Variants in CIT observed in about 807,000 individuals in gnomAD.
CIT encodes citron rho-interacting serine/threonine kinase.
In CIT, 79 loss-of-function variants were observed where a neutral mutation model predicts 272.7. That is an observed-to-expected ratio of 0.29 (90% CI 0.24 to 0.35). The LOEUF (loss-of-function observed/expected upper bound fraction) is 0.35, where lower values mean the gene tolerates loss of function less well. Among genes scored for constraint, CIT ranks in the 10% least tolerant of loss-of-function variants. The pLI is 1.00. For synonymous variants in CIT, 948 were observed against 995.6 expected (o/e 0.95, Z 0.90); for missense variants, 1,909 against 2,618.3 (o/e 0.73, Z 5.91).
intron 9 of CIT, among the ~76,000 whole-genome samples, chr12:119,806,000 G>A (rs1429483008): frequency 6.6e-6 from 1 of 152,062 alleles, no homozygotes; most frequent in African/African-American, 2.4e-5. Context: ...AGCCAGATGT[G>A]ATGGTGCATG....
In CIT at chr12:119,857,593, C is replaced by T. The variant is rs369882416; in HGVS notation, c.344G>A (p.Arg115Lys). The T allele has an allele frequency of 4.5e-5, 73 of 1,614,080 alleles. No homozygotes were observed. The highest frequency in any genetic ancestry group is 6.2e-5 in the Non-Finnish European group (73 of 1,180,044). The change falls in exon 4 of 48, where the codon AGA becomes AAA. Residue 115 changes from arginine (R) to lysine (K), a missense_variant. Around this residue, in one of 8 missense-constraint regions of CIT, gnomAD observed 529 missense variants for 549.6 expected, o/e 0.96. Transcript: ENST00000392521. ...ATAGATGTCCCCGGTTGCTTTCTCTCTTACCACCTGCACTTCAGCAAAGTG... is the reference window on the plus strand; with the variant it reads ...ATAGATGTCCCCGGTTGCTTTCTCTTTTACCACCTGCACTTCAGCAAAGTG... ...CGHFAEVQVV[R>K]EKATGDIYAM...
intron 23 of CIT, among the ~76,000 whole-genome samples, chr12:119,746,688 T>C (rs1959466123): frequency 6.6e-6 from 1 of 152,182 alleles, no homozygotes; most frequent in Non-Finnish European, 1.5e-5. Flanking sequence ...AATTAACCAT[T>C]ATGGGGACTT....
chr12:119,712,923 T>C lies in CIT; in HGVS notation c.4580-228A>G, dbSNP rs1957243922. 3.5e-6 allele frequency: 2 copies of C among 578,770 alleles called. No individual in the cohort carries two copies. The highest frequency in any genetic ancestry group is 5.8e-5 in the East Asian group (2 of 34,424). The allele number at this position is 578,770 out of a possible 1,614,324, so 35.9% of individuals were successfully genotyped here. A position where few individuals can be genotyped will look rare whatever the true frequency, so the allele number is the denominator to read the frequency against. ...AGCACAGTCAAATTTCTGATGACGA[T>C]GCGGATTTATGGGTTAGTTGACTGA... On this transcript the variant is annotated intron_variant, in intron 35 of 47. Transcript: ENST00000392521. This position sits in a 1 kb window ranked among gnomAD's most constrained non-coding sequence, Gnocchi z 5.2.
At chr12:119,825,135 T>C (rs369038684) in intron 8 of CIT, 30 bp downstream of exon 8, 4 of 1,587,276 alleles carry the variant, frequency 2.5e-6, no homozygotes, top group Non-Finnish European at 3.4e-6. Context: ...TTTCTCAATG[T>C]GACTTCGAAA....
chr12:119,712,777 G>A lies in CIT; in HGVS notation c.4580-82C>T. The stretch of plus-strand genomic sequence containing the variant: ...GGGAGAAGAGAGAGCGAGAGAGACA[G>A]CAAGGGAGAGAGAGACAGGGTACGT... On this transcript the variant is annotated intron_variant, in intron 35 of 47. Transcript: ENST00000392521. This position sits in a 1 kb window ranked among gnomAD's most constrained non-coding sequence, Gnocchi z 5.2. 1.8e-6 allele frequency: 2 copies of A among 1,136,354 alleles called. No homozygotes were observed. The highest frequency in any genetic ancestry group is 2.6e-6 in the Non-Finnish European group (2 of 759,674). 70.4% of individuals were successfully genotyped at this position (1,136,354 alleles called of 1,614,324 possible). A position where few individuals can be genotyped will look rare whatever the true frequency, so the allele number is the denominator to read the frequency against.
chr12:119,713,688 T>C lies in CIT; in HGVS notation c.4307-40A>G, dbSNP rs7311975. 0.052 allele frequency: 82,757 copies of C among 1,603,300 alleles called. 5,915 individuals carry two copies. Among genetic ancestry groups the C allele is most frequent in the African/African-American group, 0.35 (26,211 of 74,812 alleles). The stretch of plus-strand genomic sequence containing the variant: ...TGAGCAACCTGAGGGCATGCTCAGC[T>C]GACCCTGGACCCTTCCCTTCCTCTG... On this transcript the variant is annotated intron_variant, in intron 33 of 47. Coordinates refer to ENST00000392521, the MANE Select transcript of CIT (RefSeq NM_001206999.2). This position sits in a 1 kb window ranked among gnomAD's most constrained non-coding sequence, Gnocchi z 5.2.
At chr12:119,762,688 G>A (rs1961954169) in intron 19 of CIT, among the ~76,000 whole-genome samples, 1 of 152,206 alleles carries the variant, frequency 6.6e-6, no homozygotes, top group Admixed American at 6.5e-5. Flanking sequence ...CTTTGGTCAA[G>A]AAGGATACCA....
intron 4 of CIT, among the ~76,000 whole-genome samples, chr12:119,857,031 A>T (rs1417385005): frequency 6.6e-6 from 1 of 152,230 alleles, no homozygotes; most frequent in Non-Finnish European, 1.5e-5. Flanking sequence ...AAAGAAAAAT[A>T]CCACAACAAA....
chr12:119,812,296 C>CT (rs1048749516), intron 9 of CIT, among the ~76,000 whole-genome samples: 14 of 152,246 alleles, frequency 9.2e-5, no homozygotes, highest in Admixed American at 5.2e-4. Context: ...TCATCAGCAC[C>CT]TGCTTGCTGT....
intron 5 of CIT, among the ~76,000 whole-genome samples, chr12:119,843,936 A>C (rs59467668): frequency 0.042 from 6,408 of 152,224 alleles, 448 homozygotes; most frequent in African/African-American, 0.15. Context: ...TACCGATATA[A>C]ATCTAGGATC....
Position 119,713,041 on chromosome 12 carries a change from C to T in CIT, c.4579+162G>A, listed in dbSNP as rs1957252138. 6.0e-6 allele frequency: 4 copies of T among 672,122 alleles called. No individual in the cohort carries two copies. The highest frequency in any genetic ancestry group is 5.4e-5 in the South Asian group (3 of 55,390). The allele number at this position is 672,122 out of a possible 1,614,324, so 41.6% of individuals were successfully genotyped here. A position where few individuals can be genotyped will look rare whatever the true frequency, so the allele number is the denominator to read the frequency against. On this transcript the variant is annotated intron_variant, in intron 35 of 47. Transcript: ENST00000392521. This position sits in a 1 kb window ranked among gnomAD's most constrained non-coding sequence, Gnocchi z 5.2. ...GGGGGAGACCTATAGATGTGAGTAT[C>T]GCACCAATAACCTTTAGAGAAGTCA...
chr12:119,775,272 CA>C (rs1029606222), intron 16 of CIT, among the ~76,000 whole-genome samples: 74 of 152,230 alleles, frequency 4.9e-4, no homozygotes, highest in African/African-American at 1.1e-3. Context: ...GACTCCATCT[CA>C]AAAAAAAATT....
intron 20 of CIT, among the ~76,000 whole-genome samples, chr12:119,760,113 G>A (rs1215123567): frequency 6.6e-6 from 1 of 151,664 alleles, no homozygotes; most frequent in Non-Finnish European, 1.5e-5. Context: ...CTTGAACCTG[G>A]GAGGCGGAGG....
Position 119,688,198 on chromosome 12 carries a change from A to T in CIT, c.*34T>A. The T allele has an allele frequency of 1.2e-6, 2 of 1,606,940 alleles. No individual in the cohort carries two copies. Among genetic ancestry groups the T allele is most frequent in the South Asian group, 1.1e-5 (1 of 90,956 alleles). On this transcript the variant is annotated 3_prime_UTR_variant, in exon 48 of 48. Transcript: ENST00000392521. ...TAGTGTGTTTGGTGTTTTCCTGCAG[A>T]TCAAGATGAGGAGTTGGTTTTTCTG...
In CIT at chr12:119,718,544, AG is replaced by A; in HGVS notation, c.4004-136del. 7.1e-7 allele frequency: 1 copy of A among 1,398,802 alleles called. No homozygotes were observed. Among genetic ancestry groups the A allele is most frequent in the South Asian group, 1.3e-5 (1 of 75,060 alleles). The allele number at this position is 1,398,802 out of a possible 1,614,324, so 86.6% of individuals were successfully genotyped here. ...GCGTCACATCAACTTGGCAATGCAC[AG>A]GGGCCATACGTTTTTCAGACATGGG... is the stretch of plus-strand genomic sequence containing the variant. On this transcript the variant is annotated intron_variant, in intron 31 of 47. Coordinates refer to ENST00000392521, the MANE Select transcript of CIT (RefSeq NM_001206999.2). The surrounding 1 kb of genome is among the most constrained non-coding windows in gnomAD (Gnocchi z 4.8).
At chr12:119,700,656 C>T (rs1432123025) in intron 44 of CIT, 89 bp downstream of exon 44, 5 of 1,077,694 alleles carry the variant, frequency 4.6e-6, no homozygotes, top group East Asian at 2.4e-5. Flanking sequence ...GTTGGGATTA[C>T]AGGCGTGAGC....
At chr12:119,716,315 T>G (rs1201918411) in intron 32 of CIT, among the ~76,000 whole-genome samples, 1 of 127,268 alleles carries the variant, frequency 7.9e-6, no homozygotes, top group Non-Finnish European at 1.6e-5. Context: ...GAGGCAGAGG[T>G]TGCAGTGAGC....
In CIT at chr12:119,820,865, G is replaced by C. The variant is rs549240829; in HGVS notation, c.1111+1955C>G. On this transcript the variant is annotated intron_variant, in intron 9 of 47. Coordinates refer to ENST00000392521, the MANE Select transcript of CIT (RefSeq NM_001206999.2). ...CACACCTGTAGTCCTAGCTACTTAG[G>C]AGGCTGAGGTGGGAGGACTGCTTGA... is the stretch of plus-strand genomic sequence containing the variant. Among the ~76,000 whole-genome samples the C allele has an allele frequency of 9.9e-5, 15 of 152,242 alleles. No individual in the cohort carries two copies. The East Asian group carries it at 1.2e-3, about 12-fold the overall frequency.
intron 28 of CIT, among the ~76,000 whole-genome samples, chr12:119,726,837 G>A (rs76276351): frequency 0.012 from 1,861 of 152,254 alleles, 29 homozygotes; most frequent in African/African-American, 0.042. Context: ...TTAAATAGCC[G>A]TTCTCAGAGT....
Sources: allele counts gnomAD v4.1 joint callset (sites outside exome capture counted in the v4.1 genomes callset), GRCh38; gene constraint gnomAD v4.1.1; regional missense constraint gnomAD v4.1.1; non-coding constraint Gnocchi (gnomAD v3.1); transcripts MANE v1.5; gene names NCBI Gene and HGNC (gene_info 2026-07-23, HGNC 2026-07-21).